SLMAP: variants seen among roughly 807,000 people sequenced by gnomAD.
SLMAP encodes sarcolemma associated protein.
SLMAP carries 44 observed loss-of-function variants against 128.8 expected under a neutral mutation model. The ratio of observed to expected loss-of-function variants is 0.34; its 90% CI spans 0.27 to 0.44. SLMAP has a LOEUF of 0.44. Ranked by LOEUF, SLMAP falls within the 20% of genes least tolerant of loss-of-function variation. The pLI is 1.00. For missense variants in SLMAP, 787 were observed against 985.3 expected (o/e 0.80, Z 2.69); for synonymous variants, 327 against 348.8 (o/e 0.94, Z 0.70).
At position 57,896,110 on chromosome 3, in the gene SLMAP, C is replaced by T. The variant is rs1575897073; in HGVS notation, c.1361-401C>T. On this transcript the variant is annotated intron_variant, in intron 15 of 24. Coordinates refer to ENST00000671191, the MANE Select transcript of SLMAP (RefSeq NM_001377540.1). The stretch of plus-strand genomic sequence containing the variant: ...GTACAAATCTTACTAAAGCAGCCTT[C>T]TTACTAGTGTTTTTATGTAACAGAG... 3 of 336,058 alleles carry T rather than the reference C, an allele frequency of 8.9e-6. No homozygotes were observed. In the East Asian group the frequency reaches 5.0e-4, roughly 56 times the overall value. The allele number at this position is 336,058 out of a possible 1,614,324, so 20.8% of individuals were successfully genotyped here.
At chr3:57,835,076 C>T (rs746405503) in intron 3 of SLMAP, among the ~76,000 whole-genome samples, 4 of 145,474 alleles carry the variant, frequency 2.7e-5, no homozygotes, top group Non-Finnish European at 4.5e-5. Context: ...GAGCCATGAC[C>T]GCACCACTGC....
intron 2 of SLMAP, among the ~76,000 whole-genome samples, chr3:57,797,554 T>G (rs1396830303): frequency 6.6e-6 from 1 of 152,136 alleles, no homozygotes; most frequent in Non-Finnish European, 1.5e-5. Flanking sequence ...AGCAATATGT[T>G]AAACTGTTGA....
intron 15 of SLMAP, among the ~76,000 whole-genome samples, chr3:57,895,813 A>G (rs2096229911): frequency 6.6e-6 from 1 of 151,822 alleles, no homozygotes; most frequent in African/African-American, 2.4e-5. Flanking sequence ...GTATAGTGGC[A>G]TGGTCCTGAA....
chr3:57,907,204 T>C (rs2096591020), intron 17 of SLMAP, among the ~76,000 whole-genome samples: 1 of 152,158 alleles, frequency 6.6e-6, no homozygotes. Context: ...ATTTTTTGTG[T>C]TTTTAGTAGA....
intron 2 of SLMAP, among the ~76,000 whole-genome samples, chr3:57,770,626 C>A (rs548477044): frequency 6.6e-6 from 1 of 152,274 alleles, no homozygotes; most frequent in East Asian, 1.9e-4. Context: ...GGCTCCATTG[C>A]TTGCCAGATA....
chr3:57,862,297 G>A lies in SLMAP; in HGVS notation c.966+211G>A, dbSNP rs560337553. On this transcript the variant is annotated intron_variant, in intron 10 of 24. Coordinates refer to ENST00000671191, the MANE Select transcript of SLMAP (RefSeq NM_001377540.1). ...CACGTCACTGCACTCCAGCCTGGGC[G>A]ACAGAGCGATACTCCATCTCAAAGG... Among the ~76,000 whole-genome samples, 23 of 151,414 alleles carry A rather than the reference G, an allele frequency of 1.5e-4. No homozygotes were observed. The South Asian group carries it at 4.4e-3, about 29-fold the overall frequency.
chr3:57,797,390 A>G (rs2153485275), intron 2 of SLMAP, among the ~76,000 whole-genome samples: 1 of 151,844 alleles, frequency 6.6e-6, no homozygotes, highest in Non-Finnish European at 1.5e-5. Context: ...AGCCTGAGGC[A>G]GGAGAATCGC....
intron 14 of SLMAP, among the ~76,000 whole-genome samples, chr3:57,876,831 G>A (rs1328308824): frequency 1.3e-5 from 2 of 152,346 alleles, no homozygotes; most frequent in Non-Finnish European, 2.9e-5. Context: ...GGCATAGAGT[G>A]AGAGATAGCC....
chr3:57,785,463 G>A (rs2083897892), intron 2 of SLMAP, among the ~76,000 whole-genome samples: 1 of 152,130 alleles, frequency 6.6e-6, no homozygotes, highest in Admixed American at 6.6e-5. Context: ...GGGGATTAGA[G>A]GTTATAAAGT....
chr3:57,867,840 C>A (rs1189068834), intron 13 of SLMAP, among the ~76,000 whole-genome samples: 3 of 152,072 alleles, frequency 2.0e-5, no homozygotes, highest in African/African-American at 7.2e-5. Flanking sequence ...TTCAGTGAAT[C>A]CCATTTTAAA....
intron 15 of SLMAP, among the ~76,000 whole-genome samples, chr3:57,895,253 T>G (rs1444130578): frequency 6.6e-6 from 1 of 152,192 alleles, no homozygotes; most frequent in Non-Finnish European, 1.5e-5. Flanking sequence ...CTGAGGACAG[T>G]TCTTTGAAAA....
In SLMAP at chr3:57,929,473, G is replaced by A. The variant is rs190656781; in HGVS notation, c.*2184G>A. ...ATTCAAGTGGAATAAATGGCTTTTTGTAGTTACTTCCAGTTTTCCTCAAGA... is the reference window on the plus strand; with the variant it reads ...ATTCAAGTGGAATAAATGGCTTTTTATAGTTACTTCCAGTTTTCCTCAAGA... On this transcript the variant is annotated 3_prime_UTR_variant, in exon 25 of 25. Coordinates refer to ENST00000671191, the MANE Select transcript of SLMAP (RefSeq NM_001377540.1). Among the ~76,000 whole-genome samples the A allele has an allele frequency of 1.3e-5, 2 of 152,226 alleles. No individual in the cohort carries two copies. The highest frequency in any genetic ancestry group is 1.3e-4 in the Admixed American group (2 of 15,304).
intron 17 of SLMAP, among the ~76,000 whole-genome samples, chr3:57,902,826 G>T (rs1219316866): frequency 7.9e-5 from 12 of 152,168 alleles, no homozygotes; most frequent in Non-Finnish European, 2.9e-5. Context: ...CCATGGGTTT[G>T]CCTGGAACCA....
chr3:57,877,895 C>G (rs1031937175), intron 14 of SLMAP, among the ~76,000 whole-genome samples: 1 of 141,546 alleles, frequency 7.1e-6, no homozygotes, highest in Admixed American at 7.5e-5. Flanking sequence ...AGTGCAATGG[C>G]GTGATCTCGA....
intron 22 of SLMAP, among the ~76,000 whole-genome samples, chr3:57,922,362 A>AT (rs1042669036): frequency 7.3e-5 from 11 of 150,794 alleles, no homozygotes; most frequent in Non-Finnish European, 1.5e-4. Flanking sequence ...ATTACTCTTA[A>AT]TTTTTTTTAA....
At chr3:57,758,898 A>G (rs145558249) in intron 2 of SLMAP, among the ~76,000 whole-genome samples, 117 of 152,354 alleles carry the variant, frequency 7.7e-4, no homozygotes, top group African/African-American at 2.2e-3. Context: ...GGACTGTCTC[A>G]GGTTTCACCT....
At chr3:57,760,876 C>T (rs1054365845) in intron 2 of SLMAP, among the ~76,000 whole-genome samples, 2 of 152,004 alleles carry the variant, frequency 1.3e-5, no homozygotes, top group Admixed American at 1.3e-4. Context: ...TACAGGCATG[C>T]GCCACCACGC....
chr3:57,760,887 G>A (rs1049040079), intron 2 of SLMAP, among the ~76,000 whole-genome samples: 3 of 151,914 alleles, frequency 2.0e-5, no homozygotes, highest in Non-Finnish European at 4.4e-5. Flanking sequence ...GCCACCACGC[G>A]TGGCTAATTT....
chr3:57,848,024 ACT>A (rs2094333157), intron 5 of SLMAP, among the ~76,000 whole-genome samples: 1 of 152,046 alleles, frequency 6.6e-6, no homozygotes, highest in Admixed American at 6.6e-5. Flanking sequence ...AATAATGCCA[ACT>A]CTCTGCTGTC....
Sources: allele counts gnomAD v4.1 joint callset (sites outside exome capture counted in the v4.1 genomes callset), GRCh38; gene constraint gnomAD v4.1.1; transcripts MANE v1.5; gene names NCBI Gene and HGNC (gene_info 2026-07-23, HGNC 2026-07-21).